FAM114A1: variants seen among roughly 807,000 people sequenced by gnomAD.
FAM114A1 encodes protein NOXP20.
FAM114A1 carries 62 observed loss-of-function variants against 64.3 expected under a neutral mutation model. That is an observed-to-expected ratio of 0.96 (90% CI 0.79 to 1.19). FAM114A1 has a LOEUF of 1.19. Ranked by LOEUF, FAM114A1 falls within the 50% of genes most tolerant of loss-of-function variation. FAM114A1 has a pLI of 0.00. For missense variants in FAM114A1, 645 were observed against 676.3 expected (o/e 0.95, Z 0.51); for synonymous variants, 254 against 251.1 (o/e 1.01, Z -0.11).
intron 9 of FAM114A1, among the ~76,000 whole-genome samples, chr4:38,927,945 G>A (rs564758237): frequency 6.6e-6 from 1 of 152,294 alleles, no homozygotes; most frequent in African/African-American, 2.4e-5. Flanking sequence ...GCCTCCCAAA[G>A]TGCTGGGATT....
At chr4:38,872,552 T>G (rs1381006738) in intron 2 of FAM114A1, among the ~76,000 whole-genome samples, 1 of 152,184 alleles carries the variant, frequency 6.6e-6, no homozygotes, top group Non-Finnish European at 1.5e-5. Flanking sequence ...ATGTCTACCA[T>G]CTACCGATTT....
intron 9 of FAM114A1, 75 bp downstream of exon 9, chr4:38,922,968 C>T (rs1719751700): frequency 6.8e-7 from 1 of 1,475,546 alleles, no homozygotes; most frequent in Non-Finnish European, 9.1e-7. Flanking sequence ...ATGAACACAG[C>T]CCTTTGAATT....
chr4:38,933,282 T>C (rs772504086), intron 12 of FAM114A1, among the ~76,000 whole-genome samples: 1 of 152,246 alleles, frequency 6.6e-6, no homozygotes, highest in Non-Finnish European at 1.5e-5. Flanking sequence ...TGAAAGTACT[T>C]ATTTAATAGA....
rs900971777 is a variant in FAM114A1 at position 38,892,836 on chromosome 4, C to G, written c.436+1006C>G. On this transcript the variant is annotated intron_variant, in intron 4 of 14. Transcript: ENST00000358869. ...AGGCCTTTTGCCCCACCCCAGTGGACCATGACCACAGTGTTAAGGGCCAGA... is the reference window on the plus strand; with the variant it reads ...AGGCCTTTTGCCCCACCCCAGTGGAGCATGACCACAGTGTTAAGGGCCAGA... Among the ~76,000 whole-genome samples, 13 of 152,196 alleles carry G rather than the reference C, an allele frequency of 8.5e-5. No individual in the cohort carries two copies. In the East Asian group the frequency reaches 2.5e-3, roughly 29 times the overall value.
At chr4:38,875,835 A>G (rs970105105) in intron 2 of FAM114A1, among the ~76,000 whole-genome samples, 2 of 152,198 alleles carry the variant, frequency 1.3e-5, no homozygotes, top group African/African-American at 2.4e-5. Flanking sequence ...TGTTCCTTCA[A>G]TGCTTAGTTT....
intron 13 of FAM114A1, 70 bp downstream of exon 13, chr4:38,935,860 G>T (rs750719073): frequency 3.0e-5 from 33 of 1,117,058 alleles, no homozygotes; most frequent in Non-Finnish European, 4.2e-5. Flanking sequence ...ATGTGGAGAT[G>T]CAGCGCCTTC....
intron 9 of FAM114A1, among the ~76,000 whole-genome samples, chr4:38,923,111 G>A (rs376597427): frequency 7.1e-4 from 108 of 152,152 alleles, no homozygotes; most frequent in African/African-American, 2.5e-3. Context: ...TCTGGTGTTC[G>A]GCACAATCCC....
At chr4:38,900,437 T>C (rs1159555827) in intron 4 of FAM114A1, among the ~76,000 whole-genome samples, 4 of 152,148 alleles carry the variant, frequency 2.6e-5, no homozygotes, top group Admixed American at 2.6e-4. Context: ...AGGGAGATAT[T>C]TGTACACCCA....
intron 3 of FAM114A1, among the ~76,000 whole-genome samples, chr4:38,884,085 C>T (rs544405365): frequency 6.6e-6 from 1 of 152,332 alleles, no homozygotes; most frequent in South Asian, 2.1e-4. Flanking sequence ...GTTTGGGAAC[C>T]ACTAACACTA....
intron 3 of FAM114A1, among the ~76,000 whole-genome samples, chr4:38,884,809 T>C (rs1036712889): frequency 7.2e-5 from 11 of 152,184 alleles, no homozygotes; most frequent in Non-Finnish European, 1.3e-4. Context: ...GTTTCTTCCC[T>C]GATAGCTGGC....
chr4:38,868,762 A>G (rs1286068425), intron 2 of FAM114A1, among the ~76,000 whole-genome samples: 1 of 152,192 alleles, frequency 6.6e-6, no homozygotes, highest in Non-Finnish European at 1.5e-5. Context: ...ACAACTGAGA[A>G]TGAGACAGGC....
chr4:38,876,728 C>G (rs958242794), intron 2 of FAM114A1, among the ~76,000 whole-genome samples: 8 of 152,208 alleles, frequency 5.3e-5, no homozygotes, highest in Non-Finnish European at 1.2e-4. Context: ...AGTCTGAAAT[C>G]AGTGTCCATG....
chr4:38,921,713 G>A (rs946186746), intron 8 of FAM114A1, among the ~76,000 whole-genome samples: 4 of 152,160 alleles, frequency 2.6e-5, no homozygotes, highest in African/African-American at 9.7e-5. Context: ...GAAGGACAGT[G>A]CCCTTCCTAG....
intron 2 of FAM114A1, among the ~76,000 whole-genome samples, chr4:38,875,282 A>C (rs1009537389): frequency 2.0e-5 from 3 of 152,152 alleles, no homozygotes; most frequent in Non-Finnish European, 4.4e-5. Flanking sequence ...CCATTTTAAC[A>C]ATAATGATTC....
At chr4:38,878,758 T>G (rs1714924363) in intron 3 of FAM114A1, among the ~76,000 whole-genome samples, 1 of 152,206 alleles carries the variant, frequency 6.6e-6, no homozygotes, top group South Asian at 2.1e-4. Flanking sequence ...CTTATACCTG[T>G]GGCAACCAGG....
At chr4:38,927,208 C>T (rs1181375711) in intron 9 of FAM114A1, among the ~76,000 whole-genome samples, 1 of 152,222 alleles carries the variant, frequency 6.6e-6, no homozygotes, top group Admixed American at 6.5e-5. Context: ...TCTTAGTTAG[C>T]TTCCCTCCTG....
intron 4 of FAM114A1, among the ~76,000 whole-genome samples, chr4:38,904,510 A>G (rs1305597524): frequency 1.3e-5 from 2 of 152,196 alleles, no homozygotes; most frequent in South Asian, 4.1e-4. Flanking sequence ...CCCTGCTTAG[A>G]TGGAGTAAAA....
intron 4 of FAM114A1, among the ~76,000 whole-genome samples, chr4:38,904,206 G>A (rs891457112): frequency 7.2e-5 from 11 of 152,168 alleles, no homozygotes; most frequent in African/African-American, 2.7e-4. Context: ...CGGGGGATGG[G>A]GAGTTCTGTG....
chr4:38,932,846 A>C (rs1382554730), intron 12 of FAM114A1, among the ~76,000 whole-genome samples: 1 of 148,272 alleles, frequency 6.7e-6, no homozygotes, highest in Non-Finnish European at 1.5e-5. Context: ...CGGTCATCTT[A>C]AGAAATAAGG....
Sources: allele counts gnomAD v4.1 joint callset (sites outside exome capture counted in the v4.1 genomes callset), GRCh38; gene constraint gnomAD v4.1.1; transcripts MANE v1.5; gene names NCBI Gene and HGNC (gene_info 2026-07-23, HGNC 2026-07-21).